Variants in ALK observed in about 807,000 individuals in gnomAD.
The protein encoded by ALK is ALK receptor tyrosine kinase.
In ALK, 74 loss-of-function variants were observed where a neutral mutation model predicts 163.1. The ratio of observed to expected loss-of-function variants is 0.45; its 90% CI spans 0.38 to 0.55. ALK has a LOEUF of 0.55. Ranked by LOEUF, ALK falls within the 20% of genes least tolerant of loss-of-function variation. The pLI is 0.00. For synonymous variants in ALK, 960 were observed against 843.2 expected, an observed-to-expected ratio of 1.14 and a Z score of -2.40; for missense variants, 2,063 against 2,105.3, an observed-to-expected ratio of 0.98 and a Z score of 0.39.
chr2:29,378,181 T>G (rs1057125750), intron 5 of ALK, among the ~76,000 whole-genome samples: 1 of 152,228 alleles, frequency 6.6e-6, no homozygotes, highest in African/African-American at 2.4e-5. Flanking sequence ...TTCAACTGCC[T>G]CTGAACAATC....
intron 1 of ALK, among the ~76,000 whole-genome samples, chr2:29,839,595 T>C (rs925490309): frequency 2.0e-5 from 3 of 152,148 alleles, no homozygotes; most frequent in African/African-American, 7.2e-5. Flanking sequence ...CATGACAAAA[T>C]GGTTGTCTCG....
intron 4 of ALK, among the ~76,000 whole-genome samples, chr2:29,385,720 T>A (rs1669017234): frequency 6.6e-6 from 1 of 152,206 alleles, no homozygotes; most frequent in Non-Finnish European, 1.5e-5. Flanking sequence ...CATTTTAATT[T>A]TTCATGAATG....
At chr2:29,194,081 G>A (rs1463644877) in intron 28 of ALK, among the ~76,000 whole-genome samples, 159 bp from the exon 29 acceptor site, 1 of 152,162 alleles carries the variant, frequency 6.6e-6, no homozygotes. Context: ...CATACAAAAT[G>A]AATGGGAAGT....
chr2:29,723,328 C>A (rs1380692193), intron 1 of ALK, among the ~76,000 whole-genome samples: 1 of 152,208 alleles, frequency 6.6e-6, no homozygotes, highest in East Asian at 1.9e-4. Context: ...AGGTACATGG[C>A]CACTCCCTCT....
chr2:29,309,032 CTG>C (rs1666623972), intron 8 of ALK, among the ~76,000 whole-genome samples: 1 of 152,138 alleles, frequency 6.6e-6, no homozygotes, highest in Admixed American at 6.5e-5. Flanking sequence ...ACGGCCTCCT[CTG>C]TGTCTCAGTT....
intron 8 of ALK, among the ~76,000 whole-genome samples, chr2:29,298,862 G>T (rs150876557): frequency 6.6e-6 from 1 of 152,026 alleles, no homozygotes; most frequent in Non-Finnish European, 1.5e-5. Flanking sequence ...CCCAGTCCTT[G>T]CTCTTTTAGT....
chr2:29,223,981 T>G (rs533547188), intron 19 of ALK: 53 of 310,136 alleles, frequency 1.7e-4, no homozygotes, highest in Admixed American at 1.3e-3. Flanking sequence ...GCACCCTGGG[T>G]GCCATGGAGC....
chr2:29,574,503 C>CT (rs1292470092), intron 3 of ALK, among the ~76,000 whole-genome samples: 1 of 152,228 alleles, frequency 6.6e-6, no homozygotes, highest in Non-Finnish European at 1.5e-5. Flanking sequence ...ATGTTTGGTC[C>CT]TGCCGGCCCT....
chr2:29,491,873 C>T (rs1671911763), intron 4 of ALK, among the ~76,000 whole-genome samples: 1 of 152,180 alleles, frequency 6.6e-6, no homozygotes, highest in Non-Finnish European at 1.5e-5. Flanking sequence ...CTAAGCAAAA[C>T]AAATTTTTCT....
intron 1 of ALK, among the ~76,000 whole-genome samples, chr2:29,840,471 A>G (rs1207633947): frequency 6.6e-6 from 1 of 152,212 alleles, no homozygotes; most frequent in Admixed American, 6.5e-5. Flanking sequence ...TAATTCAAAC[A>G]TATTCTCAAT....
intron 3 of ALK, among the ~76,000 whole-genome samples, chr2:29,688,334 C>G (rs1015173375): frequency 6.6e-6 from 1 of 152,136 alleles, no homozygotes; most frequent in Admixed American, 6.5e-5. Flanking sequence ...ACTTAGCAAA[C>G]AAGGAAGTCT....
chr2:29,364,616 A>G (rs1321652379), intron 5 of ALK, among the ~76,000 whole-genome samples: 1 of 152,176 alleles, frequency 6.6e-6, no homozygotes, highest in East Asian at 1.9e-4. Flanking sequence ...TTTCTTAGAA[A>G]AATGGCCAAA....
chr2:29,603,831 C>T (rs1264413033), intron 3 of ALK, among the ~76,000 whole-genome samples: 1 of 152,086 alleles, frequency 6.6e-6, no homozygotes, highest in Admixed American at 6.6e-5. Context: ...GCCTGGGATA[C>T]TTCCTTTTCT....
chr2:29,684,479 C>G (rs1216037370), intron 3 of ALK, among the ~76,000 whole-genome samples: 4 of 152,204 alleles, frequency 2.6e-5, no homozygotes, highest in African/African-American at 9.6e-5. Flanking sequence ...CACTTCCTCA[C>G]ATGGATTGCA....
chr2:29,239,042 G>A (rs1664453042), intron 13 of ALK, among the ~76,000 whole-genome samples: 1 of 152,192 alleles, frequency 6.6e-6, no homozygotes, highest in Admixed American at 6.5e-5. Context: ...ATTATATTAG[G>A]TTGGAAAGTC....
intron 12 of ALK, among the ~76,000 whole-genome samples, chr2:29,249,020 C>T (rs186093216): frequency 5.3e-5 from 8 of 152,370 alleles, no homozygotes; most frequent in East Asian, 3.9e-4. Context: ...GCACCCACCA[C>T]GTGTAAGCAT....
At chr2:29,789,386 G>T (rs1219997453) in intron 1 of ALK, among the ~76,000 whole-genome samples, 1 of 152,172 alleles carries the variant, frequency 6.6e-6, no homozygotes, top group Non-Finnish European at 1.5e-5. Flanking sequence ...CGGAATGGCT[G>T]AATCAGCCAA....
At chr2:29,850,427 G>GT (rs149153859) in intron 1 of ALK, among the ~76,000 whole-genome samples, 2,930 of 152,196 alleles carry the variant, frequency 0.019, 86 homozygotes, top group African/African-American at 0.068. Context: ...TGCACTTAAG[G>GT]TTTATGTAAT....
At chr2:29,888,847 C>T (rs4584987) in intron 1 of ALK, among the ~76,000 whole-genome samples, 117,015 of 152,112 alleles carry the variant, frequency 0.77, 45,110 homozygotes, top group East Asian at 0.79. Flanking sequence ...ATGTTGTTAC[C>T]GTAACATCCA....
Sources: allele counts gnomAD v4.1 joint callset (sites outside exome capture counted in the v4.1 genomes callset), GRCh38; gene constraint gnomAD v4.1.1; transcripts MANE v1.5; gene names NCBI Gene and HGNC (gene_info 2026-07-23, HGNC 2026-07-21).